Variants in TNR observed in about 807,000 individuals in gnomAD.
The protein encoded by TNR is tenascin R, also known as tenascin-R.
A neutral mutation model predicts 150.4 loss-of-function variants in TNR; 45 were observed. The ratio of observed to expected loss-of-function variants is 0.30; its 90% CI spans 0.24 to 0.38. The LOEUF is 0.38. Ranked by LOEUF, TNR falls within the 10% of genes least tolerant of loss-of-function variation. The pLI, the probability that TNR is intolerant of heterozygous loss-of-function variation, is 1.00. For missense variants in TNR, 1,544 were observed against 1,759.1 expected (o/e 0.88, Z 2.19); for synonymous variants, 687 against 678.4 (o/e 1.01, Z -0.20).
chr1:175,413,637 C>T (rs1654309344), intron 2 of TNR, among the ~76,000 whole-genome samples: 1 of 151,200 alleles, frequency 6.6e-6, no homozygotes, highest in South Asian at 2.1e-4. Flanking sequence ...GAGTAAGAGT[C>T]CAGGACTAGA....
At chr1:175,483,645 C>T (rs1291490070) in intron 2 of TNR, among the ~76,000 whole-genome samples, 3 of 152,150 alleles carry the variant, frequency 2.0e-5, no homozygotes, top group Non-Finnish European at 2.9e-5. Context: ...AGATGGGAAA[C>T]GAGGCTGCTA....
chr1:175,338,564 T>G (rs1300922360), intron 18 of TNR, among the ~76,000 whole-genome samples: 1 of 152,196 alleles, frequency 6.6e-6, no homozygotes, highest in Non-Finnish European at 1.5e-5. Context: ...CTGTAAATAG[T>G]ATGATCTTCT....
At chr1:175,578,840 C>T (rs943072030) in intron 1 of TNR, among the ~76,000 whole-genome samples, 3 of 152,184 alleles carry the variant, frequency 2.0e-5, no homozygotes, top group Non-Finnish European at 4.4e-5. Flanking sequence ...TCTGTGGGTT[C>T]TGATGCTGGA....
At chr1:175,541,732 T>C (rs1439927343) in intron 1 of TNR, among the ~76,000 whole-genome samples, 1 of 152,108 alleles carries the variant, frequency 6.6e-6, no homozygotes, top group Non-Finnish European at 1.5e-5. Flanking sequence ...GGATGCCAGG[T>C]GTGGAGAAAA....
intron 1 of TNR, among the ~76,000 whole-genome samples, chr1:175,690,319 A>G (rs2101917597): frequency 6.6e-6 from 1 of 152,342 alleles, no homozygotes; most frequent in South Asian, 2.1e-4. Flanking sequence ...GAATCAACAA[A>G]TGTTTACACA....
chr1:175,567,074 C>G (rs1162145601), intron 1 of TNR, among the ~76,000 whole-genome samples: 1 of 152,148 alleles, frequency 6.6e-6, no homozygotes, highest in Non-Finnish European at 1.5e-5. Context: ...AATGATATCT[C>G]AAGATCTTTA....
chr1:175,340,434 C>T (rs1019025767), intron 18 of TNR, among the ~76,000 whole-genome samples: 2 of 152,248 alleles, frequency 1.3e-5, no homozygotes, highest in Non-Finnish European at 2.9e-5. Context: ...ATCTTCGGAA[C>T]TTGGAGAAGA....
At chr1:175,413,243 C>A (rs1654292992) in intron 2 of TNR, among the ~76,000 whole-genome samples, 1 of 152,250 alleles carries the variant, frequency 6.6e-6, no homozygotes, top group South Asian at 2.1e-4. Flanking sequence ...CCAGGCTGAT[C>A]TCGAACTCCT....
chr1:175,400,791 C>T (rs1295637457), intron 4 of TNR, among the ~76,000 whole-genome samples: 1 of 152,134 alleles, frequency 6.6e-6, no homozygotes, highest in African/African-American at 2.4e-5. Flanking sequence ...TGCACCCGGC[C>T]AGGAACGTCA....
At chr1:175,364,817 T>A (rs1201578094) in intron 12 of TNR, among the ~76,000 whole-genome samples, 193 bp downstream of exon 12, 2 of 152,324 alleles carry the variant, frequency 1.3e-5, no homozygotes, top group Middle Eastern at 3.4e-3. Context: ...ACCTTCCAAG[T>A]GGGAGTTTCT....
intron 2 of TNR, among the ~76,000 whole-genome samples, chr1:175,416,738 G>C (rs541299574): frequency 5.9e-5 from 9 of 152,178 alleles, no homozygotes; most frequent in Non-Finnish European, 1.3e-4. Flanking sequence ...GCCGGGTGCG[G>C]TGGCTCACGC....
In TNR at chr1:175,671,911, CTGTGTG is replaced by C. The variant is rs35804880; in HGVS notation, c.-165+71309_-165+71314del. Among the ~76,000 whole-genome samples, 399 of 142,082 alleles carry C rather than the reference CTGTGTG, an allele frequency of 2.8e-3. 3 individuals are homozygous for C. The highest frequency in any genetic ancestry group is 0.01 in the South Asian group (45 of 4,292). The allele number at this position is 142,082 out of a possible 152,430, so 93.2% of individuals were successfully genotyped here. On this transcript the variant is annotated intron_variant, in intron 1 of 22. Coordinates refer to ENST00000367674, the MANE Select transcript of TNR (RefSeq NM_003285.3). ...TCCAAGGGAGTCTTATGAGCTGTAC[CTGTGTG>C]TGTGTGTGTGTGTGTGTGTGTGTGT... is the stretch of plus-strand genomic sequence containing the variant.
In TNR at chr1:175,696,232, T is replaced by G. The variant is rs926342171; in HGVS notation, c.-165+46994A>C. ...CCTTCCTGTAGTTTTTTTTTTTTTT[T>G]TTTTTTTTTTTTCCAAAATTTAAGG... On this transcript the variant is annotated intron_variant, in intron 1 of 22. Coordinates refer to ENST00000367674, the MANE Select transcript of TNR (RefSeq NM_003285.3). 2.6e-3 allele frequency among the ~76,000 whole-genome samples: 328 copies of G among 126,146 alleles called. 5 individuals are homozygous for G. The highest frequency in any genetic ancestry group is 0.01 in the African/African-American group (308 of 30,198). 82.8% of individuals were successfully genotyped at this position (126,146 alleles called of 152,430 possible).
At chr1:175,344,757 G>A (rs532471618) in intron 18 of TNR, among the ~76,000 whole-genome samples, 6 of 152,244 alleles carry the variant, frequency 3.9e-5, no homozygotes, top group South Asian at 2.1e-4. Flanking sequence ...TATCTTCACT[G>A]TGAATTCTAC....
At chr1:175,524,775 T>C (rs2102173293) in intron 2 of TNR, among the ~76,000 whole-genome samples, 1 of 152,310 alleles carries the variant, frequency 6.6e-6, no homozygotes, top group South Asian at 2.1e-4. Flanking sequence ...ATTTTGCACA[T>C]GTAAAGCATA....
At chr1:175,586,347 G>A (rs1465208511) in intron 1 of TNR, among the ~76,000 whole-genome samples, 1 of 151,926 alleles carries the variant, frequency 6.6e-6, no homozygotes, top group Non-Finnish European at 1.5e-5. Flanking sequence ...TCTCTTTTCT[G>A]GACAACTTTC....
At chr1:175,408,165 T>A (rs191234835) in intron 2 of TNR, among the ~76,000 whole-genome samples, 1 of 152,302 alleles carries the variant, frequency 6.6e-6, no homozygotes, top group Admixed American at 6.5e-5. Flanking sequence ...CCACCTGGAC[T>A]GCTAAGTCCT....
intron 1 of TNR, among the ~76,000 whole-genome samples, chr1:175,581,281 G>A (rs1322456843): frequency 6.6e-6 from 1 of 152,142 alleles, no homozygotes; most frequent in Non-Finnish European, 1.5e-5. Flanking sequence ...TGCCATAGAT[G>A]CGTCAAGAAC....
intron 1 of TNR, among the ~76,000 whole-genome samples, chr1:175,716,001 G>T (rs1031475575): frequency 1.3e-5 from 2 of 152,200 alleles, no homozygotes; most frequent in Non-Finnish European, 2.9e-5. Flanking sequence ...GTAGCAGGCA[G>T]CCAGGCCCAT....
Sources: gnomAD v4.1 joint callset for allele counts (sites outside exome capture counted in the v4.1 genomes callset) on GRCh38, gnomAD v4.1.1 for gene constraint, MANE v1.5 for transcripts, NCBI Gene and HGNC (gene_info 2026-07-23, HGNC 2026-07-21) for gene names.